The following RPRD1A variants were observed in gnomAD, a reference collection of about 807,000 sequenced individuals.
The protein encoded by RPRD1A is regulation of nuclear pre-mRNA domain containing 1A.
RPRD1A carries 9 observed loss-of-function variants against 37.8 expected under a neutral mutation model. That is an observed-to-expected ratio of 0.24 (90% CI 0.14 to 0.42). The LOEUF is 0.42. Among genes scored for constraint, RPRD1A ranks in the 10% least tolerant of loss-of-function variants. RPRD1A has a pLI of 1.00. For synonymous variants in RPRD1A, 138 were observed against 139.7 expected (o/e 0.99, Z 0.08); for missense variants, 255 against 371.0 (o/e 0.69, Z 2.57).
chr18:36,016,974 G>C (rs185136839), intron 6 of RPRD1A, among the ~76,000 whole-genome samples: 69 of 151,766 alleles, frequency 4.5e-4, no homozygotes, highest in Admixed American at 3.7e-3. Context: ...CTTATCAATG[G>C]TTTTTCAACT....
chr18:36,020,435 G>A (rs1910918186), intron 6 of RPRD1A, among the ~76,000 whole-genome samples: 1 of 152,320 alleles, frequency 6.6e-6, no homozygotes, highest in African/African-American at 2.4e-5. Flanking sequence ...GCCTTGGACA[G>A]AAGGCTTATA....
intron 1 of RPRD1A, among the ~76,000 whole-genome samples, chr18:36,066,896 C>T (rs950657656): frequency 6.0e-4 from 92 of 152,288 alleles, no homozygotes; most frequent in African/African-American, 2.1e-3. Flanking sequence ...CAATCTTTTT[C>T]TTTCCACTCC....
intron 1 of RPRD1A, among the ~76,000 whole-genome samples, chr18:36,046,682 C>A (rs914872027): frequency 7.3e-5 from 11 of 149,672 alleles, no homozygotes; most frequent in Admixed American, 5.3e-4. Flanking sequence ...AAAAAAAAAA[C>A]AAAATCAGCC....
At chr18:36,001,217 A>C (rs1045159764) in intron 6 of RPRD1A, among the ~76,000 whole-genome samples, 3 of 152,170 alleles carry the variant, frequency 2.0e-5, no homozygotes, top group African/African-American at 7.2e-5. Context: ...GGAAAGCTGA[A>C]CCTCCTAATA....
chr18:36,059,199 G>A (rs1056745410), intron 1 of RPRD1A, among the ~76,000 whole-genome samples: 2 of 151,890 alleles, frequency 1.3e-5, no homozygotes, highest in African/African-American at 2.4e-5. Flanking sequence ...CAGGCTTGGA[G>A]TAATCTCAGC....
chr18:36,006,740 G>A (rs1235158319), intron 6 of RPRD1A, among the ~76,000 whole-genome samples: 1 of 152,202 alleles, frequency 6.6e-6, no homozygotes, highest in Non-Finnish European at 1.5e-5. Context: ...TGATTAGCCA[G>A]AAAGGGGTAA....
intron 6 of RPRD1A, among the ~76,000 whole-genome samples, chr18:36,012,756 A>G (rs960211941): frequency 3.3e-5 from 5 of 152,244 alleles, no homozygotes; most frequent in Non-Finnish European, 2.9e-5. Flanking sequence ...CCCTGAGGAT[A>G]AGCAGGGGAC....
chr18:36,043,198 G>GGGGT (rs1260279140), intron 1 of RPRD1A, among the ~76,000 whole-genome samples: 1 of 110,298 alleles, frequency 9.1e-6, no homozygotes, highest in East Asian at 2.5e-4. Flanking sequence ...AGAAGAATCG[G>GGGGT]GGGGGGGGGA....
At position 36,027,355 on chromosome 18, in the gene RPRD1A, C is replaced by T. The variant is rs755971582; in HGVS notation, c.487-45G>A. On this transcript the variant is annotated intron_variant, in intron 4 of 6. Transcript: ENST00000399022. ...AGAACCAAAATAAATTGAGCTTAAA[C>T]AAGTGCAAAAGACTTTAATTTCATA... The T allele has an allele frequency of 1.7e-5, 27 of 1,605,336 alleles. No individual in the cohort carries two copies. In the Middle Eastern group the frequency reaches 5.5e-4, roughly 33 times the overall value.
chr18:35,993,478 A>G (rs533888633), intron 6 of RPRD1A, among the ~76,000 whole-genome samples, 178 bp from the exon 7 acceptor site: 13 of 152,328 alleles, frequency 8.5e-5, no homozygotes. Flanking sequence ...CTAGTAAACT[A>G]TTATTATTAA....
At chr18:36,022,493 G>C (rs1455168909) in intron 6 of RPRD1A, among the ~76,000 whole-genome samples, 1 of 152,244 alleles carries the variant, frequency 6.6e-6, no homozygotes, top group Non-Finnish European at 1.5e-5. Context: ...TAAAGTAGCT[G>C]ACGACTTTAA....
At chr18:36,055,864 A>T (rs1185152487) in intron 1 of RPRD1A, among the ~76,000 whole-genome samples, 1 of 152,184 alleles carries the variant, frequency 6.6e-6, no homozygotes, top group Non-Finnish European at 1.5e-5. Context: ...TCAATGCAAC[A>T]GAATGAGAAT....
chr18:36,049,793 A>G (rs1027991723), intron 1 of RPRD1A, among the ~76,000 whole-genome samples: 3 of 152,104 alleles, frequency 2.0e-5, no homozygotes, highest in African/African-American at 4.8e-5. Context: ...GGGTGTGCAT[A>G]TATCTGTTTG....
chr18:36,019,102 ATTT>A (rs946306446), intron 6 of RPRD1A, among the ~76,000 whole-genome samples: 3 of 118,542 alleles, frequency 2.5e-5, no homozygotes, highest in East Asian at 2.4e-4. Context: ...GGGACCATTG[ATTT>A]TTTTTTTTTT....
At chr18:36,025,663 C>T (rs773984108) in intron 6 of RPRD1A, 45 of 1,285,950 alleles carry the variant, frequency 3.5e-5, no homozygotes, top group South Asian at 1.4e-4. Context: ...TTAGAAGATA[C>T]GCCCATGTCC....
At chr18:36,047,601 A>G (rs1251771056) in intron 1 of RPRD1A, among the ~76,000 whole-genome samples, 1 of 152,220 alleles carries the variant, frequency 6.6e-6, no homozygotes, top group African/African-American at 2.4e-5. Flanking sequence ...CAAAGAAACA[A>G]GAGGGAAGCA....
chr18:36,059,061 T>C (rs28396546), intron 1 of RPRD1A, among the ~76,000 whole-genome samples: 35,111 of 152,162 alleles, frequency 0.23, 4,100 homozygotes, highest in East Asian at 0.25. Flanking sequence ...TAACTACCCT[T>C]ATTTGATCAT....
chr18:36,040,552 A>C (rs1267578206), intron 1 of RPRD1A, among the ~76,000 whole-genome samples: 1 of 152,184 alleles, frequency 6.6e-6, no homozygotes, highest in African/African-American at 2.4e-5. Flanking sequence ...CTGAAGTTTT[A>C]ATTTGGGAGC....
intron 6 of RPRD1A, among the ~76,000 whole-genome samples, chr18:36,001,502 CATAA>C (rs1909414758): frequency 6.6e-6 from 1 of 152,186 alleles, no homozygotes; most frequent in Non-Finnish European, 1.5e-5. Flanking sequence ...TCTCATTTGT[CATAA>C]ATGTCATCTA....
Sources: allele counts gnomAD v4.1 joint callset (sites outside exome capture counted in the v4.1 genomes callset), GRCh38; gene constraint gnomAD v4.1.1; transcripts MANE v1.5; gene names NCBI Gene and HGNC (gene_info 2026-07-23, HGNC 2026-07-21).